ABCC4: variants seen among roughly 807,000 people sequenced by gnomAD.
ABCC4 encodes ATP binding cassette subfamily C member 4 (PEL blood group).
A neutral mutation model predicts 168.5 loss-of-function variants in ABCC4; 102 were observed. The observed-to-expected ratio is 0.61, with a 90% CI of 0.52 to 0.71. ABCC4 has a LOEUF of 0.71. Among genes scored for constraint, ABCC4 ranks in the 30% least tolerant of loss-of-function variants. ABCC4 has a pLI of 0.00. For missense variants in ABCC4, 1,402 were observed against 1,605.8 expected (o/e 0.87, Z 2.17); for synonymous variants, 617 against 590.7 (o/e 1.04, Z -0.65).
intron 26 of ABCC4, 72 bp downstream of exon 26, chr13:95,062,632 A>G: frequency 7.3e-7 from 1 of 1,367,682 alleles, no homozygotes; most frequent in Non-Finnish European, 9.9e-7. Context: ...TAAAAAAAGC[A>G]ATAAGAGTAA....
At chr13:95,137,368 A>C (rs1417450742) in intron 19 of ABCC4, among the ~76,000 whole-genome samples, 1 of 152,220 alleles carries the variant, frequency 6.6e-6, no homozygotes, top group African/African-American at 2.4e-5. Flanking sequence ...CAGAGATATT[A>C]GTCACAGTGG....
chr13:95,054,246 A>G (rs758527216), intron 26 of ABCC4, among the ~76,000 whole-genome samples: 75 of 152,086 alleles, frequency 4.9e-4, no homozygotes, highest in Non-Finnish European at 5.1e-4. Flanking sequence ...AGGAGGTCAT[A>G]ATAAAATTAC....
intron 3 of ABCC4, among the ~76,000 whole-genome samples, chr13:95,236,978 T>A (rs2039791458): frequency 6.6e-6 from 1 of 152,196 alleles, no homozygotes; most frequent in South Asian, 2.1e-4. Context: ...ACCTGGGCTA[T>A]CAGCCAGACG....
intron 5 of ABCC4, 61 bp from the exon 6 acceptor site, chr13:95,209,658 A>T (rs1056778408): frequency 2.6e-5 from 38 of 1,488,236 alleles, no homozygotes; most frequent in Non-Finnish European, 3.5e-5. Context: ...GTAAGAACAC[A>T]GTACAGAAAC....
rs1366889283 is a variant in ABCC4, at chr13:95,247,815, T to C, written c.75-62A>G. On this transcript the variant is annotated intron_variant, in intron 1 of 30. Coordinates refer to ENST00000645237, the MANE Select transcript of ABCC4 (RefSeq NM_005845.5). The stretch of plus-strand genomic sequence containing the variant: ...ACACATCCGTGTTTAAGTAGACTCC[T>C]ACCTCCATGGGTTTTGCTTAAACTT... 2.9e-6 allele frequency: 4 copies of C among 1,366,760 alleles called. No individual in the cohort carries two copies. The East Asian group carries it at 9.2e-5, about 31-fold the overall frequency. The allele number at this position is 1,366,760 out of a possible 1,614,324, so 84.7% of individuals were successfully genotyped here.
chr13:95,297,295 A>C (rs1469171242), intron 1 of ABCC4, among the ~76,000 whole-genome samples: 1 of 152,056 alleles, frequency 6.6e-6, no homozygotes, highest in East Asian at 1.9e-4. Context: ...GAAAAAAGAA[A>C]GAAATAGGTG....
At chr13:95,284,142 G>GGTTTTTT (rs1334093127) in intron 1 of ABCC4, among the ~76,000 whole-genome samples, 1 of 152,164 alleles carries the variant, frequency 6.6e-6, no homozygotes, top group Non-Finnish European at 1.5e-5. Flanking sequence ...CTGGGAGGCA[G>GGTTTTTT]GTTTTTTGTT....
chr13:95,062,868 A>C lies in ABCC4; in HGVS notation c.3211-9T>G. On this transcript the variant is annotated splice_polypyrimidine_tract_variant and intron_variant, in intron 25 of 30. Transcript: ENST00000645237. ...CTTCCCACAATGCCAACCTACAGAG[A>C]GATCCAGGCGGCAGGATTAAAAAAA... 3 of 1,579,652 alleles carry C rather than the reference A, an allele frequency of 1.9e-6. No homozygotes were observed. Among genetic ancestry groups the C allele is most frequent in the Non-Finnish European group, 2.6e-6 (3 of 1,169,782 alleles).
intron 24 of ABCC4, 73 bp downstream of exon 24, chr13:95,073,131 A>C: frequency 8.2e-7 from 1 of 1,223,032 alleles, no homozygotes; most frequent in Non-Finnish European, 1.2e-6. Context: ...TTAATATTTC[A>C]CATAAGAATG....
chr13:95,093,390 T>C (rs1262309047), intron 20 of ABCC4, among the ~76,000 whole-genome samples: 2 of 152,080 alleles, frequency 1.3e-5, no homozygotes, highest in Non-Finnish European at 2.9e-5. Flanking sequence ...GTTTAACATA[T>C]GCAAGTCAAT....
intron 19 of ABCC4, among the ~76,000 whole-genome samples, chr13:95,122,621 AG>A (rs2035611574): frequency 6.6e-6 from 1 of 152,108 alleles, no homozygotes; most frequent in Non-Finnish European, 1.5e-5. Flanking sequence ...TGTTCCCATC[AG>A]GGGGCCTTCC....
chr13:95,237,531 G>A (rs1045433748), intron 3 of ABCC4, among the ~76,000 whole-genome samples: 2 of 152,156 alleles, frequency 1.3e-5, no homozygotes, highest in Non-Finnish European at 2.9e-5. Flanking sequence ...GTGAAACCAT[G>A]GAGGTTTTTG....
At chr13:95,231,279 G>A (rs188369286) in intron 4 of ABCC4, among the ~76,000 whole-genome samples, 1 of 152,194 alleles carries the variant, frequency 6.6e-6, no homozygotes, top group East Asian at 1.9e-4. Flanking sequence ...AGTTAAAATG[G>A]TAAATTTTAT....
At chr13:95,101,426 A>G (rs889087391) in intron 20 of ABCC4, among the ~76,000 whole-genome samples, 5 of 151,782 alleles carry the variant, frequency 3.3e-5, no homozygotes, top group African/African-American at 1.2e-4. Context: ...TCAATATATT[A>G]CAGTATTTTG....
At chr13:95,136,825 C>T (rs1171680467) in intron 19 of ABCC4, among the ~76,000 whole-genome samples, 1 of 152,214 alleles carries the variant, frequency 6.6e-6, no homozygotes, top group Non-Finnish European at 1.5e-5. Context: ...ACATGCCTGC[C>T]GAACGCCCAG....
intron 27 of ABCC4, among the ~76,000 whole-genome samples, chr13:95,047,431 T>TTTTTC (rs75591406): frequency 0.15 from 23,261 of 150,240 alleles, 2,100 homozygotes; most frequent in African/African-American, 0.24. Flanking sequence ...TATCTATTCT[T>TTTTTC]TTTGTTTATT....
intron 18 of ABCC4, 81 bp downstream of exon 18, chr13:95,163,041 C>T: frequency 1.1e-6 from 1 of 909,758 alleles, no homozygotes; most frequent in Non-Finnish European, 1.8e-6. Flanking sequence ...CTGAATGACT[C>T]CTGGAAGCCC....
At chr13:95,232,032 A>C (rs1179962099) in intron 4 of ABCC4, among the ~76,000 whole-genome samples, 1 of 152,134 alleles carries the variant, frequency 6.6e-6, no homozygotes, top group Non-Finnish European at 1.5e-5. Context: ...AAATCTAGCT[A>C]GTTTATAGAA....
intron 1 of ABCC4, among the ~76,000 whole-genome samples, chr13:95,290,088 C>T (rs1405719975): frequency 1.5e-5 from 2 of 136,098 alleles, no homozygotes; most frequent in African/African-American, 5.1e-5. Context: ...AAGAGCAAAA[C>T]TCTGTCTCAA....
Sources: allele counts gnomAD v4.1 joint callset (sites outside exome capture counted in the v4.1 genomes callset), GRCh38; gene constraint gnomAD v4.1.1; transcripts MANE v1.5; gene names NCBI Gene and HGNC (gene_info 2026-07-23, HGNC 2026-07-21).